Variants in PCDH9 observed in about 807,000 individuals in gnomAD.
PCDH9 encodes the protein protocadherin 9, also known as protocadherin-9.
A neutral mutation model predicts 70.6 loss-of-function variants in PCDH9; 24 were observed. The observed-to-expected ratio is 0.34, with a 90% CI of 0.25 to 0.48. PCDH9 has a LOEUF of 0.48. Among genes scored for constraint, PCDH9 ranks in the 20% least tolerant of loss-of-function variants. The pLI is 0.99. For synonymous variants in PCDH9, 562 were observed against 558.5 expected (o/e 1.01, Z -0.09); for missense variants, 1,281 against 1,503.6 (o/e 0.85, Z 2.45).
At chr13:66,531,950 C>T (rs1960475629) in intron 4 of PCDH9, among the ~76,000 whole-genome samples, 1 of 152,012 alleles carries the variant, frequency 6.6e-6, no homozygotes. Context: ...TCTCTAATTG[C>T]TGCTTGCATT....
chr13:66,476,303 T>A (rs1489548924), intron 4 of PCDH9, among the ~76,000 whole-genome samples: 1 of 41,522 alleles, frequency 2.4e-5, no homozygotes, highest in African/African-American at 8.9e-5. Context: ...ACAGGAAAAT[T>A]ACATTTTAAA....
At chr13:67,200,125 G>A (rs1030436638) in intron 2 of PCDH9, among the ~76,000 whole-genome samples, 2 of 151,904 alleles carry the variant, frequency 1.3e-5, no homozygotes, top group Non-Finnish European at 2.9e-5. Flanking sequence ...TAAAAAATGG[G>A]ACACTTTTTA....
At chr13:66,443,077 G>A (rs1349792192) in intron 4 of PCDH9, among the ~76,000 whole-genome samples, 1 of 152,170 alleles carries the variant, frequency 6.6e-6, no homozygotes, top group Admixed American at 6.6e-5. Context: ...AGCAAAGCAA[G>A]GGGCTAACTG....
intron 2 of PCDH9, among the ~76,000 whole-genome samples, chr13:66,945,794 T>A (rs1161947642): frequency 6.6e-6 from 1 of 152,174 alleles, no homozygotes; most frequent in Admixed American, 6.5e-5. Flanking sequence ...CTGTTGACAG[T>A]ACAGATACCA....
intron 4 of PCDH9, among the ~76,000 whole-genome samples, chr13:66,589,899 TAAG>T (rs964231638): frequency 2.6e-4 from 40 of 152,214 alleles, no homozygotes; most frequent in South Asian, 2.1e-4. Context: ...CAGATATTAA[TAAG>T]AAGAAATTTT....
At chr13:66,931,235 T>C (rs1376872262) in intron 2 of PCDH9, among the ~76,000 whole-genome samples, 2 of 152,150 alleles carry the variant, frequency 1.3e-5, no homozygotes, top group Admixed American at 6.6e-5. Flanking sequence ...CATTTATATA[T>C]GTCACCTTTT....
At position 66,903,588 on chromosome 13, in the gene PCDH9, T is replaced by G; in HGVS notation, c.3054A>C (p.Lys1018Asn). The G allele has an allele frequency of 1.3e-6, 2 of 1,523,118 alleles. No homozygotes were observed. Among genetic ancestry groups the G allele is most frequent in the Non-Finnish European group, 1.8e-6 (2 of 1,098,982 alleles). The allele number at this position is 1,523,118 out of a possible 1,614,324, so 94.4% of individuals were successfully genotyped here. ...LHTRQCNSHS[K>N]SDNIPVTPQK... is the part of the protein sequence containing the mutation. Reference sequence around the variant, plus strand: ...GAGGAGTGACAGGAATATTGTCACTTTTGCTGTGTGAGTTACACTGAAAGA... The same window carrying G: ...GAGGAGTGACAGGAATATTGTCACTGTTGCTGTGTGAGTTACACTGAAAGA... The change falls in exon 3 of 5, where the codon AAA (lysine) becomes AAC (asparagine). Residue 1018 changes from lysine (K) to asparagine (N), a missense_variant. By Grantham distance (94) the Lys-to-Asn change is moderately conservative. This residue lies in a region of PCDH9 where 264 missense variants were observed against 278.8 expected (regional missense o/e 0.95). Coordinates refer to ENST00000377865, the MANE Select transcript of PCDH9 (RefSeq NM_203487.3).
At chr13:67,215,278 C>T (rs2089575911) in intron 2 of PCDH9, 1 of 151,926 alleles carries the variant, frequency 6.6e-6, no homozygotes, top group African/African-American at 2.4e-5. Context: ...AATATAGTTG[C>T]TAGACACTGC....
At chr13:67,037,741 C>G (rs971524559) in intron 2 of PCDH9, among the ~76,000 whole-genome samples, 1 of 152,012 alleles carries the variant, frequency 6.6e-6, no homozygotes, top group Admixed American at 6.6e-5. Context: ...GAGTACTGAC[C>G]AAGAGCAGAG....
At chr13:66,626,488 C>A (rs1310891541) in intron 4 of PCDH9, among the ~76,000 whole-genome samples, 2 of 152,252 alleles carry the variant, frequency 1.3e-5, no homozygotes, top group Middle Eastern at 3.4e-3. Flanking sequence ...TCATTTGAGA[C>A]CCCTCTAGGC....
intron 2 of PCDH9, among the ~76,000 whole-genome samples, chr13:67,123,401 C>T (rs1433029613): frequency 6.6e-6 from 1 of 152,126 alleles, no homozygotes; most frequent in Non-Finnish European, 1.5e-5. Flanking sequence ...TCTATTCACA[C>T]GTTTAAGGCA....
At chr13:66,599,963 T>C (rs1396142388) in intron 4 of PCDH9, among the ~76,000 whole-genome samples, 2 of 152,000 alleles carry the variant, frequency 1.3e-5, no homozygotes, top group Middle Eastern at 6.8e-3. Flanking sequence ...TCTTCTTGAC[T>C]GATAGGATAT....
chr13:66,856,382 T>C (rs1273539109), intron 3 of PCDH9, among the ~76,000 whole-genome samples: 1 of 151,972 alleles, frequency 6.6e-6, no homozygotes, highest in Non-Finnish European at 1.5e-5. Flanking sequence ...CCTTGCACAA[T>C]AAATATGGAA....
intron 2 of PCDH9, among the ~76,000 whole-genome samples, chr13:67,054,481 A>G (rs1216255715): frequency 6.6e-6 from 1 of 152,174 alleles, no homozygotes; most frequent in Non-Finnish European, 1.5e-5. Flanking sequence ...TTTATTCAAG[A>G]GTCTTAAAAG....
At chr13:66,958,402 T>C (rs1263695264) in intron 2 of PCDH9, among the ~76,000 whole-genome samples, 1 of 152,230 alleles carries the variant, frequency 6.6e-6, no homozygotes, top group Admixed American at 6.5e-5. Context: ...TGCATTGATA[T>C]AGAATAATTC....
intron 2 of PCDH9, among the ~76,000 whole-genome samples, chr13:67,169,477 G>A (rs2088216077): frequency 6.6e-6 from 1 of 152,120 alleles, no homozygotes; most frequent in Non-Finnish European, 1.5e-5. Flanking sequence ...AATCATTTCT[G>A]ATTACATGTC....
chr13:67,225,678 G>A lies in PCDH9; in HGVS notation c.2763C>T (p.Gly921=), dbSNP rs1191900289. The A allele has an allele frequency of 1.2e-6, 2 of 1,613,996 alleles. No homozygotes were observed. The highest frequency in any genetic ancestry group is 2.7e-5 in the African/African-American group (2 of 74,900). The change falls in exon 2 of 5, where the codon GGC becomes GGT. Residue 921 remains glycine (G), a synonymous_variant. Transcript: ENST00000377865. ...GCTTGAATGTTGTTGGAGGTGCCGG[G>A]CCCCAGTCAAATCTTCCTATACTTT... The part of the protein sequence containing the change: ...EEQSIGRFDW[G]PAPPTTFKPN...
chr13:66,437,910 G>A (rs375670656), intron 4 of PCDH9, among the ~76,000 whole-genome samples: 3 of 152,216 alleles, frequency 2.0e-5, no homozygotes, highest in East Asian at 3.9e-4. Context: ...CGTGATCTGG[G>A]TGCTGTTTCT....
intron 4 of PCDH9, among the ~76,000 whole-genome samples, chr13:66,531,667 C>G (rs557926703): frequency 1.3e-5 from 2 of 152,154 alleles, no homozygotes; most frequent in East Asian, 3.9e-4. Context: ...GGTCCATTCT[C>G]TAAATACTTA....
Sources: gnomAD v4.1 joint callset for allele counts (sites outside exome capture counted in the v4.1 genomes callset) on GRCh38, gnomAD v4.1.1 for gene constraint, gnomAD v4.1.1 regional missense constraint, MANE v1.5 for transcripts, NCBI Gene and HGNC (gene_info 2026-07-23, HGNC 2026-07-21) for gene names.